The following KTN1 variants were observed in gnomAD, a reference collection of about 807,000 sequenced individuals.
KTN1 encodes kinectin 1, also known as kinectin.
KTN1 carries 130 observed loss-of-function variants against 222.5 expected under a neutral mutation model. The ratio of observed to expected loss-of-function variants is 0.58; its 90% CI spans 0.51 to 0.68. The LOEUF (loss-of-function observed/expected upper bound fraction) is 0.68. Among genes scored for constraint, KTN1 ranks in the 30% least tolerant of loss-of-function variants. The pLI is 0.00. For missense variants in KTN1, 1,508 were observed against 1,500.4 expected, an observed-to-expected ratio of 1.01 and a Z score of -0.08; for synonymous variants, 512 against 496.3, an observed-to-expected ratio of 1.03 and a Z score of -0.42.
intron 5 of KTN1, among the ~76,000 whole-genome samples, chr14:55,625,953 G>A (rs2039761726): frequency 6.6e-6 from 1 of 151,726 alleles, no homozygotes; most frequent in South Asian, 2.1e-4. Flanking sequence ...TTTTTTCAGT[G>A]TCTGACCTAC....
In KTN1 at chr14:55,658,546, G is replaced by T. The variant is rs1205614912; in HGVS notation, c.2893G>T (p.Asp965Tyr). The T allele has an allele frequency of 1.3e-6, 2 of 1,545,426 alleles. No individual in the cohort carries two copies. The highest frequency in any genetic ancestry group is 1.8e-6 in the Non-Finnish European group (2 of 1,120,400). Reference protein sequence around the residue: ...DLSSKTQLLQDVQDENKLFKS... With the variant: ...DLSSKTQLLQYVQDENKLFKS... The stretch of plus-strand genomic sequence containing the variant: ...TGATGTTTAATTTTTATTTAATTAG[G>T]ATGTACAAGATGAAAACAAATTGTT... Residue 965 changes from aspartate (D) to tyrosine (Y), a missense_variant and splice_region_variant, in exon 30 of 44, where the codon GAT becomes TAT. Physicochemically the swap from Asp to Tyr is radical, Grantham distance 160 (BLOSUM62 -3). Coordinates refer to ENST00000395314, the MANE Select transcript of KTN1 (RefSeq NM_001079521.2).
chr14:55,633,971 C>T (rs1345431921), intron 8 of KTN1, among the ~76,000 whole-genome samples: 2 of 152,102 alleles, frequency 1.3e-5, no homozygotes, highest in African/African-American at 4.8e-5. Context: ...AAACCCCTGT[C>T]TCTACTAAAA....
At chr14:55,644,383 A>G (rs1300768808) in intron 18 of KTN1, 1 of 702,344 alleles carries the variant, frequency 1.4e-6, no homozygotes, top group African/African-American at 1.7e-5. Context: ...AGCAGAAACC[A>G]ATAATGGTGC....
chr14:55,635,544 T>C (rs1442643633), intron 9 of KTN1, among the ~76,000 whole-genome samples: 3 of 152,128 alleles, frequency 2.0e-5, no homozygotes, highest in African/African-American at 7.2e-5. Flanking sequence ...GACGCCAGAG[T>C]GTCACTTGGT....
In KTN1 at chr14:55,593,310, A is replaced by G. The variant is rs546233877; in HGVS notation, c.-31+12956A>G. On this transcript the variant is annotated intron_variant, in intron 1 of 43. Transcript: ENST00000395314. The stretch of plus-strand genomic sequence containing the variant: ...GTTTTTTCTCATTAAATTTCTTGCT[A>G]TGTTTTGGATTAAAAAAACTGGTTT... Among the ~76,000 whole-genome samples, 119 of 152,078 alleles carry G rather than the reference A, an allele frequency of 7.8e-4. 1 individual carries two copies. The highest frequency in any genetic ancestry group is 2.6e-3 in the African/African-American group (109 of 41,492).
intron 40 of KTN1, chr14:55,674,497 C>G (rs2045727243): frequency 6.6e-6 from 1 of 152,138 alleles, no homozygotes; most frequent in East Asian, 1.9e-4. Context: ...TTTTATGTAC[C>G]AATGTTTTAC....
chr14:55,679,879 G>A lies in KTN1; in HGVS notation c.4069+194G>A, dbSNP rs374830329. The A allele has an allele frequency of 5.1e-6, 3 of 583,170 alleles. No individual in the cohort carries two copies. In the South Asian group the frequency reaches 7.0e-5, roughly 14 times the overall value. The allele number at this position is 583,170 out of a possible 1,614,324, so 36.1% of individuals were successfully genotyped here. On this transcript the variant is annotated intron_variant, in intron 43 of 43. Transcript: ENST00000395314. ...GCATATCTTGAAGGTCTTGTAGCTTGGAGGGGTTATCTGTGCCTCCTTTGA... is the reference window on the plus strand; with the variant it reads ...GCATATCTTGAAGGTCTTGTAGCTTAGAGGGGTTATCTGTGCCTCCTTTGA...
chr14:55,679,701 A>G lies in KTN1; in HGVS notation c.4069+16A>G, dbSNP rs1456273778. On this transcript the variant is annotated intron_variant, in intron 43 of 43. Transcript: ENST00000395314. The stretch of plus-strand genomic sequence containing the variant: ...CAGGTGTTAGGTAAGGACAACTGAA[A>G]TATTGCTGTCTATGGGTAATTGATG... 1 of 1,612,692 alleles carries G rather than the reference A, an allele frequency of 6.2e-7. No individual in the cohort carries two copies. The highest frequency in any genetic ancestry group is 8.5e-7 in the Non-Finnish European group (1 of 1,179,112).
At chr14:55,582,346 T>G (rs891606917) in intron 1 of KTN1, among the ~76,000 whole-genome samples, 1 of 152,136 alleles carries the variant, frequency 6.6e-6, no homozygotes, top group Non-Finnish European at 1.5e-5. Flanking sequence ...CTGCTTTTGG[T>G]AGGGAGATCG....
In KTN1 at chr14:55,612,580, A is replaced by G; in HGVS notation, c.523+9A>G. 1 of 1,543,172 alleles carries G rather than the reference A, an allele frequency of 6.5e-7. No individual in the cohort carries two copies. The highest frequency in any genetic ancestry group is 2.3e-5 in the East Asian group (1 of 44,304). ...GTCTAAAAATGGAAGCGGTATTGTAATCTATTTAATCTATTTAATTTTATT... is the reference window on the plus strand; with the variant it reads ...GTCTAAAAATGGAAGCGGTATTGTAGTCTATTTAATCTATTTAATTTTATT... On this transcript the variant is annotated intron_variant, in intron 2 of 43. Coordinates refer to ENST00000395314, the MANE Select transcript of KTN1 (RefSeq NM_001079521.2).
chr14:55,627,777 C>CTT (rs1368095376), intron 5 of KTN1, 135 bp from the exon 6 acceptor site: 8 of 539,024 alleles, frequency 1.5e-5, no homozygotes, highest in Non-Finnish European at 2.7e-5. Flanking sequence ...ATCCACGTCC[C>CTT]TGCAAAGGAC....
At chr14:55,663,649 A>T (rs2044385477) in intron 32 of KTN1, 1 of 246,228 alleles carries the variant, frequency 4.1e-6, no homozygotes, top group East Asian at 9.8e-5. Context: ...ACCTGAAATC[A>T]TGTATGTATT....
In KTN1 at chr14:55,633,353, A is replaced by G. The variant is rs776650261; in HGVS notation, c.1328+12A>G. 7.0e-7 allele frequency: 1 copy of G among 1,422,766 alleles called. No homozygotes were observed. Among genetic ancestry groups the G allele is most frequent in the East Asian group, 2.5e-5 (1 of 39,596 alleles). 88.1% of individuals were successfully genotyped at this position (1,422,766 alleles called of 1,614,324 possible). A position where few individuals can be genotyped will look rare whatever the true frequency, so the allele number is the denominator to read the frequency against. ...CAACTGGAAAGCAAGTATGTTTCCAAATACCTTATTTTTTAATTGAATGGC... is the reference window on the plus strand; with the variant it reads ...CAACTGGAAAGCAAGTATGTTTCCAGATACCTTATTTTTTAATTGAATGGC... On this transcript the variant is annotated intron_variant, in intron 8 of 43. Transcript: ENST00000395314.
At chr14:55,637,676 AAAAAG>A (rs1004343616) in intron 11 of KTN1, 98 bp from the exon 12 acceptor site, 2 of 839,144 alleles carry the variant, frequency 2.4e-6, no homozygotes, top group African/African-American at 3.4e-5. Flanking sequence ...CTTAAAAAAA[AAAAAG>A]AAAAAGATAA....
chr14:55,663,893 TA>T, intron 32 of KTN1, 61 bp from the exon 33 acceptor site: 3 of 1,319,640 alleles, frequency 2.3e-6, no homozygotes, highest in Non-Finnish European at 3.2e-6. Context: ...ACTGATGAAG[TA>T]AAAAAGCAAA....
intron 30 of KTN1, 121 bp downstream of exon 30, chr14:55,658,735 G>A: frequency 1.6e-6 from 1 of 621,854 alleles, no homozygotes; most frequent in Non-Finnish European, 2.8e-6. Context: ...TTTTATTTAT[G>A]TTTATCAAAT....
chr14:55,609,094 A>T (rs1431362057), intron 1 of KTN1, among the ~76,000 whole-genome samples: 1 of 150,914 alleles, frequency 6.6e-6, no homozygotes, highest in Non-Finnish European at 1.5e-5. Context: ...ACATAGGTAT[A>T]TGTGTGTCAT....
intron 33 of KTN1, among the ~76,000 whole-genome samples, chr14:55,665,777 A>G (rs920717765): frequency 2.6e-4 from 40 of 152,160 alleles, no homozygotes; most frequent in Non-Finnish European, 1.0e-4. Context: ...CCAGATGTTA[A>G]AGTGGAATGG....
intron 1 of KTN1, among the ~76,000 whole-genome samples, chr14:55,594,645 TA>T (rs1281853016): frequency 6.6e-6 from 1 of 152,190 alleles, no homozygotes; most frequent in African/African-American, 2.4e-5. Context: ...TAAAAGCTAT[TA>T]AATGAAAGCC....
Sources: gnomAD v4.1 joint callset for allele counts (sites outside exome capture counted in the v4.1 genomes callset) on GRCh38, gnomAD v4.1.1 for gene constraint, MANE v1.5 for transcripts, NCBI Gene and HGNC (gene_info 2026-07-23, HGNC 2026-07-21) for gene names.